RIMS1: variants seen among roughly 807,000 people sequenced by gnomAD.
RIMS1 encodes regulating synaptic membrane exocytosis 1, also known as regulating synaptic membrane exocytosis protein 1.
Under a neutral mutation model 214.1 loss-of-function variants are expected in RIMS1, and 83 were observed. That is an observed-to-expected ratio of 0.39 (90% confidence interval 0.32 to 0.47). RIMS1 has a LOEUF of 0.47. Ranked by LOEUF, RIMS1 falls within the 20% of genes least tolerant of loss-of-function variation. RIMS1 has a pLI of 0.99. For synonymous variants in RIMS1, 793 were observed against 786.8 expected (o/e 1.01, Z -0.13); for missense variants, 2,050 against 2,161.8 (o/e 0.95, Z 1.03).
chr6:71,976,767 T>C (rs1797243857), intron 2 of RIMS1, among the ~76,000 whole-genome samples: 1 of 152,132 alleles, frequency 6.6e-6, no homozygotes, highest in Non-Finnish European at 1.5e-5. Context: ...ATAGTTTTTA[T>C]ATATGATGTA....
chr6:72,179,626 T>C lies in RIMS1; in HGVS notation c.523T>C (p.Ser175Pro). 1 of 1,613,906 alleles carries C rather than the reference T, an allele frequency of 6.2e-7. No individual in the cohort carries two copies. The highest frequency in any genetic ancestry group is 8.5e-7 in the Non-Finnish European group (1 of 1,179,850). The part of the protein sequence containing the change: ...CRKQQEILTK[S>P]GAWFFGSGPQ... Reference sequence around the variant, plus strand: ...AAAGCAACAAGAAATCTTAACCAAATCTGGGGCATGGTTCTTTGGAAGTGG... The same window carrying C: ...AAAGCAACAAGAAATCTTAACCAAACCTGGGGCATGGTTCTTTGGAAGTGG... The change falls in exon 5 of 34, where the codon TCT becomes CCT. Residue 175 changes from serine (S) to proline (P), a missense_variant. By Grantham distance (74) the Ser-to-Pro change is moderately conservative. Transcript: ENST00000521978.
chr6:72,238,909 A>AT (rs919312973), intron 9 of RIMS1, among the ~76,000 whole-genome samples: 18 of 150,152 alleles, frequency 1.2e-4, no homozygotes, highest in Admixed American at 6.0e-4. Flanking sequence ...AATCATTTTC[A>AT]TTTTTTTTTT....
At chr6:72,260,974 G>A in intron 19 of RIMS1, 1 of 1,345,108 alleles carries the variant, frequency 7.4e-7, no homozygotes, top group Non-Finnish European at 9.6e-7. Flanking sequence ...TTTGCCATCT[G>A]TAGATTCAAA....
chr6:72,157,223 T>A (rs1444472369), intron 4 of RIMS1, among the ~76,000 whole-genome samples: 1 of 140,844 alleles, frequency 7.1e-6, no homozygotes, highest in African/African-American at 2.5e-5. Context: ...GGGAACAGAC[T>A]GCATCAAATA....
chr6:71,890,584 A>AC (rs1562127714), intron 1 of RIMS1, among the ~76,000 whole-genome samples: 17 of 144,784 alleles, frequency 1.2e-4, no homozygotes, highest in African/African-American at 4.2e-4. Context: ...AAAAAAAAAA[A>AC]AAAAAAAAAA....
chr6:71,916,058 T>G lies in RIMS1; in HGVS notation c.164+28871T>G, dbSNP rs1778322641. Among the ~76,000 whole-genome samples, 3 of 151,968 alleles carry G rather than the reference T, an allele frequency of 2.0e-5. No individual in the cohort carries two copies. In the South Asian group the frequency reaches 6.2e-4, roughly 32 times the overall value. ...ACATAGGAATTGTGGGAGCTACAAT[T>G]CAAGATGAGATTTGGGTGGGGACAC... On this transcript the variant is annotated intron_variant, in intron 1 of 33. Transcript: ENST00000521978.
At chr6:72,034,519 A>C (rs1203243654) in intron 2 of RIMS1, among the ~76,000 whole-genome samples, 1 of 152,038 alleles carries the variant, frequency 6.6e-6, no homozygotes, top group Non-Finnish European at 1.5e-5. Context: ...TTCCTGGAAC[A>C]GGTGTGGTGC....
intron 4 of RIMS1, among the ~76,000 whole-genome samples, chr6:72,167,610 T>G (rs1422823096): frequency 6.6e-6 from 1 of 152,178 alleles, no homozygotes; most frequent in Non-Finnish European, 1.5e-5. Context: ...TTAATTCAAC[T>G]TTTTTAATAG....
chr6:72,252,197 A>G (rs1215153802), intron 15 of RIMS1, among the ~76,000 whole-genome samples: 1 of 152,218 alleles, frequency 6.6e-6, no homozygotes. Context: ...GTAATCTGGA[A>G]CTAAATTATT....
chr6:72,365,557 T>C (rs1193384411), intron 29 of RIMS1, among the ~76,000 whole-genome samples: 2 of 152,350 alleles, frequency 1.3e-5, no homozygotes, highest in African/African-American at 4.8e-5. Flanking sequence ...CTATTGACTA[T>C]ATAATTTAGC....
chr6:72,182,698 C>T lies in RIMS1; in HGVS notation c.1227C>T (p.Ala409=), dbSNP rs2048541756. 1 of 1,506,310 alleles carries T rather than the reference C, an allele frequency of 6.6e-7. No homozygotes were observed. 93.3% of individuals were successfully genotyped at this position (1,506,310 alleles called of 1,614,324 possible). A position where few individuals can be genotyped will look rare whatever the true frequency, so the allele number is the denominator to read the frequency against. The change falls in exon 6 of 34, where the codon GCC becomes GCT. Residue 409 remains alanine (A), a synonymous_variant. Transcript: ENST00000521978. ...GCGCGGCGCTGCCGGAGGGCAAGGC[C>T]GGCAAACGCGCGCCGGCGGCAGCCA... is the stretch of plus-strand genomic sequence containing the variant. ...EAGAALPEGK[A]GKRAPAAARA...
chr6:72,189,667 G>A (rs2049738284), intron 6 of RIMS1, among the ~76,000 whole-genome samples: 1 of 152,160 alleles, frequency 6.6e-6, no homozygotes, highest in African/African-American at 2.4e-5. Context: ...GGCAAATTGG[G>A]CACTCAGCAG....
chr6:72,016,931 G>A (rs552083710), intron 2 of RIMS1, among the ~76,000 whole-genome samples: 1 of 152,286 alleles, frequency 6.6e-6, no homozygotes, highest in Admixed American at 6.5e-5. Flanking sequence ...CTTATACAGT[G>A]GGAATCCTGA....
In RIMS1 at chr6:72,370,090, TCCTC is replaced by T. The variant is rs548157077; in HGVS notation, c.4367-20507_4367-20504del. On this transcript the variant is annotated intron_variant, in intron 29 of 33. Coordinates refer to ENST00000521978, the MANE Select transcript of RIMS1 (RefSeq NM_014989.7). ...TAAAATAGCACATAGTCATAGTTGT[TCCTC>T]TGTTTGCTACACTTTCTCCCTGGTT... Among the ~76,000 whole-genome samples the T allele has an allele frequency of 2.0e-5, 3 of 152,344 alleles. No homozygotes were observed. The South Asian group carries it at 6.2e-4, about 32-fold the overall frequency.
At chr6:72,290,386 A>C (rs759010868) in intron 24 of RIMS1, among the ~76,000 whole-genome samples, 1 of 151,996 alleles carries the variant, frequency 6.6e-6, no homozygotes, top group Non-Finnish European at 1.5e-5. Context: ...CTATAAAACA[A>C]AACAAAACAA....
chr6:71,900,550 G>A (rs994634785), intron 1 of RIMS1, among the ~76,000 whole-genome samples: 1 of 152,086 alleles, frequency 6.6e-6, no homozygotes, highest in Non-Finnish European at 1.5e-5. Context: ...GGTGGCAGAT[G>A]TTAGAAGCAG....
At chr6:71,923,756 G>A (rs1418592370) in intron 1 of RIMS1, among the ~76,000 whole-genome samples, 1 of 151,886 alleles carries the variant, frequency 6.6e-6, no homozygotes, top group African/African-American at 2.4e-5. Context: ...TAGAGACGGG[G>A]TGTCTTCATG....
intron 6 of RIMS1, among the ~76,000 whole-genome samples, chr6:72,198,629 A>G (rs1396552133): frequency 1.3e-5 from 2 of 151,998 alleles, no homozygotes; most frequent in African/African-American, 4.8e-5. Flanking sequence ...AATATATTTC[A>G]TATTTCAGAA....
intron 2 of RIMS1, among the ~76,000 whole-genome samples, chr6:71,994,157 T>C (rs1802703271): frequency 6.6e-6 from 1 of 152,206 alleles, no homozygotes; most frequent in South Asian, 2.1e-4. Flanking sequence ...TGTTTATTTT[T>C]ATCTCCCTTG....
Sources: allele counts gnomAD v4.1 joint callset (sites outside exome capture counted in the v4.1 genomes callset), GRCh38; gene constraint gnomAD v4.1.1; transcripts MANE v1.5; gene names NCBI Gene and HGNC (gene_info 2026-07-23, HGNC 2026-07-21).